Variants in SHC3 observed in about 807,000 individuals in gnomAD.
The protein encoded by SHC3 is SHC-transforming protein 3.
SHC3 carries 15 observed loss-of-function variants against 60.4 expected under a neutral mutation model. The observed-to-expected ratio is 0.25, with a 90% CI of 0.17 to 0.38. SHC3 has a LOEUF of 0.38. Among genes scored for constraint, SHC3 ranks in the 10% least tolerant of loss-of-function variants. SHC3 has a pLI of 1.00. For missense variants in SHC3, 677 were observed against 786.1 expected, an observed-to-expected ratio of 0.86 and a Z score of 1.66; for synonymous variants, 294 against 325.9, an observed-to-expected ratio of 0.90 and a Z score of 1.05.
rs139432995 is a variant in SHC3 at position 89,134,727 on chromosome 9, C to T, written c.475-22101G>A. Among the ~76,000 whole-genome samples the T allele has an allele frequency of 6.1e-3, 935 of 152,094 alleles. 9 individuals are homozygous for T. The highest frequency in any genetic ancestry group is 0.021 in the African/African-American group (877 of 41,492). ...AGCTATAGAATTTGACAGGTACTAA[C>T]GAATGCAGGTTTCTGATAACTTTGG... On this transcript the variant is annotated intron_variant, in intron 1 of 11. Transcript: ENST00000375835.
At position 89,178,199 on chromosome 9, in the gene SHC3, C is replaced by A. The variant is rs1291449569; in HGVS notation, c.262G>T (p.Ala88Ser). The A allele has an allele frequency of 9.5e-6, 13 of 1,373,164 alleles. No individual in the cohort carries two copies. The highest frequency in any genetic ancestry group is 3.1e-5 in the East Asian group (1 of 32,272). 85.1% of individuals were successfully genotyped at this position (1,373,164 alleles called of 1,614,324 possible). The change falls in exon 1 of 12, where the codon GCC (alanine) becomes TCC (serine). Residue 88 changes from alanine to serine, a missense_variant. Physicochemically the swap from Ala to Ser is moderately conservative, Grantham distance 99. Transcript: ENST00000375835. This position sits in a 1 kb window ranked among gnomAD's most constrained non-coding sequence, Gnocchi z 6.9. ...SSGLRGLSSA[A>S]RERAGARLSG... ...AGCCGCGCGCCCGCCCGCTCCCGGG[C>A]GGCCGACGACAGGCCGCGGAGGCCC... is the stretch of plus-strand genomic sequence containing the variant.
chr9:89,131,794 C>T (rs1261100499), intron 1 of SHC3, among the ~76,000 whole-genome samples: 1 of 152,114 alleles, frequency 6.6e-6, no homozygotes, highest in Non-Finnish European at 1.5e-5. Flanking sequence ...AAGCCCACAG[C>T]CAATATCATA....
chr9:89,177,778 C>A (rs1826963131), intron 1 of SHC3, among the ~76,000 whole-genome samples: 1 of 152,224 alleles, frequency 6.6e-6, no homozygotes, highest in Non-Finnish European at 1.5e-5. Context: ...GAGTGGTAAA[C>A]CTTTTCCCAA....
Position 89,178,008 on chromosome 9 carries a change from G to T in SHC3, c.453C>A (p.Pro151=). Residue 151 remains proline (P), a synonymous_variant, in exon 1 of 12, where the codon CCC becomes CCA. Coordinates refer to ENST00000375835, the MANE Select transcript of SHC3 (RefSeq NM_016848.6). The surrounding 1 kb of genome is among the most constrained non-coding windows in gnomAD (Gnocchi z 6.9). ...APHASDQVLG[P]GVTYVVKYLG... ...CCACCTTGACCACGTAGGTGACTCC[G>T]GGCCCCAGCACCTGGTCGCTGGCGT... 1 of 1,236,560 alleles carries T rather than the reference G, an allele frequency of 8.1e-7. No homozygotes were observed. Among genetic ancestry groups the T allele is most frequent in the Non-Finnish European group, 1.0e-6 (1 of 991,030 alleles). The allele number at this position is 1,236,560 out of a possible 1,614,324, so 76.6% of individuals were successfully genotyped here.
intron 10 of SHC3, among the ~76,000 whole-genome samples, chr9:89,040,207 C>G (rs1363039543): frequency 6.9e-6 from 1 of 145,854 alleles, no homozygotes; most frequent in Non-Finnish European, 1.5e-5. Flanking sequence ...AGCATCATCA[C>G]CATCATCATC....
At chr9:89,146,275 G>T (rs111547078) in intron 1 of SHC3, among the ~76,000 whole-genome samples, 8,946 of 151,772 alleles carry the variant, frequency 0.059, 398 homozygotes, top group Middle Eastern at 0.12. Flanking sequence ...GAGACTCTCT[G>T]GAACCTGGGA....
chr9:89,075,040 G>A (rs1587712175), intron 4 of SHC3, 69 bp downstream of exon 4: 1 of 1,566,688 alleles, frequency 6.4e-7, no homozygotes, highest in East Asian at 2.3e-5. Flanking sequence ...AAGCTGCAAG[G>A]AAGAAGCCTG....
At chr9:89,106,904 C>A (rs192142816) in intron 2 of SHC3, among the ~76,000 whole-genome samples, 1 of 151,886 alleles carries the variant, frequency 6.6e-6, no homozygotes, top group South Asian at 2.1e-4. Flanking sequence ...GGACTGAACA[C>A]GAAAATAGAG....
intron 6 of SHC3, among the ~76,000 whole-genome samples, chr9:89,063,290 C>A (rs1254789161): frequency 6.6e-6 from 1 of 152,178 alleles, no homozygotes; most frequent in Non-Finnish European, 1.5e-5. Flanking sequence ...CCACCACGCC[C>A]AGCTAATTTT....
At chr9:89,162,274 C>T (rs1405337180) in intron 1 of SHC3, among the ~76,000 whole-genome samples, 4 of 150,882 alleles carry the variant, frequency 2.7e-5, no homozygotes, top group East Asian at 1.9e-4. Context: ...AAAAAGAGCC[C>T]GCATCGCCAA....
chr9:89,039,361 G>A (rs1685948246), intron 10 of SHC3, among the ~76,000 whole-genome samples: 1 of 152,164 alleles, frequency 6.6e-6, no homozygotes, highest in Non-Finnish European at 1.5e-5. Flanking sequence ...ACTAAAATTA[G>A]CTCTTTTTGA....
chr9:89,097,211 A>T (rs1218183984), intron 2 of SHC3, among the ~76,000 whole-genome samples: 1 of 152,000 alleles, frequency 6.6e-6, no homozygotes, highest in Non-Finnish European at 1.5e-5. Flanking sequence ...CTTAGCAGAT[A>T]TTTTAGGTAT....
At chr9:89,072,484 G>A (rs753118911) in intron 4 of SHC3, among the ~76,000 whole-genome samples, 42 of 151,792 alleles carry the variant, frequency 2.8e-4, no homozygotes, top group Non-Finnish European at 4.6e-4. Flanking sequence ...ATTCCAACTC[G>A]GCGCCATCTA....
chr9:89,125,028 C>G (rs1826144862), intron 1 of SHC3, among the ~76,000 whole-genome samples: 1 of 151,998 alleles, frequency 6.6e-6, no homozygotes, highest in Admixed American at 6.6e-5. Context: ...TCATGTGGGG[C>G]AGCAAAAGAA....
At chr9:89,029,898 T>C (rs1017677538) in intron 11 of SHC3, among the ~76,000 whole-genome samples, 1 of 151,944 alleles carries the variant, frequency 6.6e-6, no homozygotes, top group Admixed American at 6.6e-5. Context: ...AAACAAAAAG[T>C]CAAATGGCAG....
At chr9:89,094,558 C>A (rs1825672144) in intron 2 of SHC3, among the ~76,000 whole-genome samples, 1 of 152,210 alleles carries the variant, frequency 6.6e-6, no homozygotes, top group Non-Finnish European at 1.5e-5. Flanking sequence ...TACTAAGTGT[C>A]TGGCCCTTTT....
At chr9:89,121,800 T>A (rs923290470) in intron 1 of SHC3, among the ~76,000 whole-genome samples, 1 of 152,148 alleles carries the variant, frequency 6.6e-6, no homozygotes, top group East Asian at 1.9e-4. Flanking sequence ...TGCTAACAAT[T>A]TAAAGTAATG....
chr9:89,074,691 C>CA (rs68051828), intron 4 of SHC3, among the ~76,000 whole-genome samples: 893 of 59,960 alleles, frequency 0.015, 10 homozygotes, highest in Non-Finnish European at 0.019. Flanking sequence ...GCCACTAAAG[C>CA]AAAAAAAAAA....
chr9:89,147,025 A>C (rs1437133500), intron 1 of SHC3, among the ~76,000 whole-genome samples: 1 of 152,232 alleles, frequency 6.6e-6, no homozygotes, highest in Non-Finnish European at 1.5e-5. Flanking sequence ...TAATAGCCTC[A>C]AACTGGAAAA....
Sources: allele counts gnomAD v4.1 joint callset (sites outside exome capture counted in the v4.1 genomes callset), GRCh38; gene constraint gnomAD v4.1.1; non-coding constraint Gnocchi (gnomAD v3.1); transcripts MANE v1.5; gene names NCBI Gene and HGNC (gene_info 2026-07-23, HGNC 2026-07-21).